THSD7A: variants seen among roughly 807,000 people sequenced by gnomAD.
The protein encoded by THSD7A is thrombospondin type-1 domain-containing protein 7A.
A neutral mutation model predicts 231.3 loss-of-function variants in THSD7A; 96 were observed. That is an observed-to-expected ratio of 0.41 (90% confidence interval 0.35 to 0.49). The LOEUF is 0.49. THSD7A is among the 20% of genes least tolerant of loss of function. The probability of loss-of-function intolerance (pLI) is 0.05; values close to 1 mark genes in which losing one functional copy is unlikely to be tolerated. For missense variants in THSD7A, 2,290 were observed against 2,070.2 expected (o/e 1.11, Z -2.06); for synonymous variants, 940 against 743.3 (o/e 1.26, Z -4.30).
chr7:11,628,923 A>T (rs988778956), intron 2 of THSD7A, among the ~76,000 whole-genome samples: 1 of 152,188 alleles, frequency 6.6e-6, no homozygotes, highest in African/African-American at 2.4e-5. Context: ...ACAAAATTGT[A>T]GGCATCGAGG....
At chr7:11,553,938 T>C (rs1347305907) in intron 4 of THSD7A, among the ~76,000 whole-genome samples, 2 of 151,940 alleles carry the variant, frequency 1.3e-5, no homozygotes, top group East Asian at 1.9e-4. Flanking sequence ...CCTCTAAAGA[T>C]AGTTTATATA....
chr7:11,687,189 G>T lies in THSD7A; in HGVS notation c.191-50228C>A, dbSNP rs1526542. Among the ~76,000 whole-genome samples the T allele has an allele frequency of 1.8e-3, 280 of 151,832 alleles. 1 individual carries two copies. The highest frequency in any genetic ancestry group is 6.5e-3 in the African/African-American group (270 of 41,458). On this transcript the variant is annotated intron_variant, in intron 1 of 27. Transcript: ENST00000423059. Reference sequence around the variant, plus strand: ...CCTTACTTGCCTCACCTTGGTTCTGGCCCTTGTATATGACAGAATCACCAG... The same window carrying T: ...CCTTACTTGCCTCACCTTGGTTCTGTCCCTTGTATATGACAGAATCACCAG...
Position 11,406,758 on chromosome 7 carries a change from G to T in THSD7A, c.4062+152C>A, listed in dbSNP as rs891937706. 1.3e-5 allele frequency among the ~76,000 whole-genome samples: 2 copies of T among 152,148 alleles called. No individual in the cohort carries two copies. The highest frequency in any genetic ancestry group is 4.8e-5 in the African/African-American group (2 of 41,428). The stretch of plus-strand genomic sequence containing the variant: ...TTTTGTTATCAAAACTAATTAAATG[G>T]TTATAAAATGGCAAGTACATACAAA... On this transcript the variant is annotated intron_variant, in intron 21 of 27. Coordinates refer to ENST00000423059, the MANE Select transcript of THSD7A (RefSeq NM_015204.3). This position sits in a 1 kb window ranked among gnomAD's most constrained non-coding sequence, Gnocchi z 4.7.
chr7:11,478,082 T>C (rs1420449500), intron 7 of THSD7A, among the ~76,000 whole-genome samples: 1 of 152,182 alleles, frequency 6.6e-6, no homozygotes, highest in Non-Finnish European at 1.5e-5. Context: ...ACTCTCACTA[T>C]GTTAAATACA....
At chr7:11,810,784 T>C (rs926404975) in intron 1 of THSD7A, among the ~76,000 whole-genome samples, 2 of 152,140 alleles carry the variant, frequency 1.3e-5, no homozygotes, top group East Asian at 1.9e-4. Context: ...AATTTCAACT[T>C]TCAGAAATGT....
intron 1 of THSD7A, chr7:11,821,151 G>A: frequency 9.0e-7 from 1 of 1,116,602 alleles, no homozygotes; most frequent in Non-Finnish European, 1.4e-6. Context: ...ATTTAGTAAA[G>A]TGTTTATGTA....
chr7:11,419,731 C>G (rs185830388), intron 16 of THSD7A, among the ~76,000 whole-genome samples: 3 of 152,146 alleles, frequency 2.0e-5, no homozygotes, highest in Admixed American at 2.0e-4. Flanking sequence ...TTGGAACTTC[C>G]TAAAGACTTG....
intron 1 of THSD7A, among the ~76,000 whole-genome samples, chr7:11,674,367 C>T (rs1051052721): frequency 6.6e-6 from 1 of 152,098 alleles, no homozygotes; most frequent in African/African-American, 2.4e-5. Context: ...GACACTCCAC[C>T]CTGGCTGAAG....
intron 1 of THSD7A, among the ~76,000 whole-genome samples, chr7:11,816,446 A>G (rs1784707469): frequency 6.6e-6 from 1 of 152,226 alleles, no homozygotes; most frequent in Non-Finnish European, 1.5e-5. Context: ...GTAATGTTTT[A>G]GAGAAATAGT....
intron 23 of THSD7A, among the ~76,000 whole-genome samples, chr7:11,401,460 AGGCT>A (rs1327803847): frequency 6.6e-6 from 1 of 152,196 alleles, no homozygotes; most frequent in Admixed American, 6.5e-5. Flanking sequence ...CTTGTTGCCC[AGGCT>A]GGAGTGCAGT....
At chr7:11,417,643 C>A in intron 16 of THSD7A, 40 bp from the exon 17 acceptor site, 2 of 1,575,756 alleles carry the variant, frequency 1.3e-6, no homozygotes, top group Admixed American at 1.9e-5. Context: ...AATATACATA[C>A]ATTCTAGAAG....
At chr7:11,510,391 A>G (rs1787754814) in intron 6 of THSD7A, among the ~76,000 whole-genome samples, 1 of 152,216 alleles carries the variant, frequency 6.6e-6, no homozygotes, top group Admixed American at 6.5e-5. Context: ...TCCAATCAAC[A>G]GAAAAACAGG....
At position 11,638,480 on chromosome 7, in the gene THSD7A, G is replaced by A. The variant is rs1781953857; in HGVS notation, c.191-1519C>T. 2.0e-5 allele frequency among the ~76,000 whole-genome samples: 3 copies of A among 152,304 alleles called. No individual in the cohort carries two copies. In the South Asian group the frequency reaches 6.2e-4, roughly 32 times the overall value. On this transcript the variant is annotated intron_variant, in intron 1 of 27. Coordinates refer to ENST00000423059, the MANE Select transcript of THSD7A (RefSeq NM_015204.3). ...ATCTAAACATTTAATTTTGCTTAAT[G>A]AGAAAGATGTTTAAAGTTTGTTGAG...
chr7:11,544,813 C>A (rs1789308400), intron 4 of THSD7A, among the ~76,000 whole-genome samples: 1 of 149,718 alleles, frequency 6.7e-6, no homozygotes, highest in Admixed American at 6.7e-5. Context: ...CCCGCCTCCC[C>A]ACCCCCACCA....
Position 11,438,602 on chromosome 7 carries a change from A to G in THSD7A, c.3064+7459T>C, listed in dbSNP as rs564856763. Among the ~76,000 whole-genome samples the G allele has an allele frequency of 5.2e-3, 793 of 152,182 alleles. 5 individuals carry two copies. The highest frequency in any genetic ancestry group is 0.018 in the African/African-American group (750 of 41,560). On this transcript the variant is annotated intron_variant, in intron 13 of 27. Transcript: ENST00000423059. Reference sequence around the variant, plus strand: ...CACTATATTTAAAAATTAATGTTAAAGAGATATTATATTAATAAGGCATTA... The same window carrying G: ...CACTATATTTAAAAATTAATGTTAAGGAGATATTATATTAATAAGGCATTA...
intron 1 of THSD7A, among the ~76,000 whole-genome samples, chr7:11,676,014 G>A (rs911679071): frequency 3.3e-5 from 5 of 152,188 alleles, no homozygotes; most frequent in Non-Finnish European, 7.3e-5. Flanking sequence ...ATACAAGAGA[G>A]CCCTGGCTGG....
chr7:11,645,644 C>T (rs1782253246), intron 1 of THSD7A, among the ~76,000 whole-genome samples: 1 of 151,758 alleles, frequency 6.6e-6, no homozygotes, highest in Non-Finnish European at 1.5e-5. Context: ...AGCCTCAAAA[C>T]ATGTCAATAA....
At chr7:11,613,413 T>C (rs1002394284) in intron 2 of THSD7A, among the ~76,000 whole-genome samples, 2 of 152,188 alleles carry the variant, frequency 1.3e-5, no homozygotes, top group Admixed American at 6.5e-5. Context: ...CCAGCAGCTC[T>C]GAACCTGGCT....
intron 1 of THSD7A, among the ~76,000 whole-genome samples, chr7:11,830,208 C>T (rs900408665): frequency 6.6e-6 from 1 of 152,150 alleles, no homozygotes; most frequent in African/African-American, 2.4e-5. Flanking sequence ...ATATTGACAC[C>T]TCAGATGCTG....
Sources: allele counts gnomAD v4.1 joint callset (sites outside exome capture counted in the v4.1 genomes callset), GRCh38; gene constraint gnomAD v4.1.1; non-coding constraint Gnocchi (gnomAD v3.1); transcripts MANE v1.5; gene names NCBI Gene and HGNC (gene_info 2026-07-23, HGNC 2026-07-21).